Variants in MTMR14 observed in about 807,000 individuals in gnomAD.
The protein encoded by MTMR14 is myotubularin related protein 14.
MTMR14 carries 48 observed loss-of-function variants against 86.3 expected under a neutral mutation model. The ratio of observed to expected loss-of-function variants is 0.56; its 90% confidence interval spans 0.44 to 0.71. The LOEUF is 0.71. Ranked by LOEUF, MTMR14 falls within the 30% of genes least tolerant of loss-of-function variation. MTMR14 has a pLI of 0.00. For synonymous variants in MTMR14, 366 were observed against 326.1 expected, an observed-to-expected ratio of 1.12 and a Z score of -1.32; for missense variants, 780 against 834.6, an observed-to-expected ratio of 0.93 and a Z score of 0.81.
intron 4 of MTMR14, among the ~76,000 whole-genome samples, 163 bp from the exon 5 acceptor site, chr3:9,669,269 G>T (rs1284033613): frequency 6.6e-6 from 1 of 152,176 alleles, no homozygotes; most frequent in African/African-American, 2.4e-5. Flanking sequence ...TCACCTTAGA[G>T]GTGAAGACTA....
At chr3:9,695,864 G>C (rs2125384278) in intron 17 of MTMR14, among the ~76,000 whole-genome samples, 1 of 152,328 alleles carries the variant, frequency 6.6e-6, no homozygotes, top group South Asian at 2.1e-4. Flanking sequence ...CCGGCTGAAG[G>C]CCTGGTGTGA....
chr3:9,689,725 A>T lies in MTMR14; in HGVS notation c.1434-239A>T, dbSNP rs184502262. On this transcript the variant is annotated intron_variant, in intron 16 of 18. Transcript: ENST00000296003. ...GTGGGCAGTGACTGAAGAGTGAGGAATCATTTTCTAGCACATACTTCAAGA... is the reference window on the plus strand; with the variant it reads ...GTGGGCAGTGACTGAAGAGTGAGGATTCATTTTCTAGCACATACTTCAAGA... Among the ~76,000 whole-genome samples, 3 of 152,314 alleles carry T rather than the reference A, an allele frequency of 2.0e-5. No homozygotes were observed. In the East Asian group the frequency reaches 5.8e-4, roughly 29 times the overall value.
chr3:9,691,963 T>G (rs17050518), intron 17 of MTMR14, among the ~76,000 whole-genome samples: 13,316 of 152,220 alleles, frequency 0.087, 988 homozygotes, highest in African/African-American at 0.19. Context: ...TTCTTCTGAC[T>G]TGGATGCCTG....
chr3:9,671,882 TA>T (rs1279844377), intron 6 of MTMR14, among the ~76,000 whole-genome samples: 1 of 152,184 alleles, frequency 6.6e-6, no homozygotes, highest in Non-Finnish European at 1.5e-5. Context: ...TCTTAGAAAA[TA>T]AGGCATACTG....
At chr3:9,653,501 C>G (rs1458692538) in intron 1 of MTMR14, 120 bp from the exon 2 acceptor site, 4 of 1,291,378 alleles carry the variant, frequency 3.1e-6, no homozygotes, top group East Asian at 2.3e-5. Context: ...CTTCCCAGCA[C>G]AGAATAATTA....
chr3:9,696,279 C>T (rs923522163), intron 17 of MTMR14, among the ~76,000 whole-genome samples: 4 of 152,172 alleles, frequency 2.6e-5, no homozygotes, highest in African/African-American at 4.8e-5. Context: ...AGGCGGATCA[C>T]CAGAGATCAG....
chr3:9,666,264 G>T (rs556886337), intron 3 of MTMR14, among the ~76,000 whole-genome samples: 1 of 151,138 alleles, frequency 6.6e-6, no homozygotes, highest in Non-Finnish European at 1.5e-5. Flanking sequence ...CTCCCAACTA[G>T]CTGGGATTAT....
intron 3 of MTMR14, among the ~76,000 whole-genome samples, chr3:9,664,899 A>G (rs1199825174): frequency 1.3e-5 from 2 of 152,204 alleles, no homozygotes; most frequent in East Asian, 3.8e-4. Context: ...AAATAAGTGT[A>G]TAATTGGATT....
chr3:9,671,201 A>G, intron 6 of MTMR14, 31 bp downstream of exon 6: 1 of 1,614,000 alleles, frequency 6.2e-7, no homozygotes, highest in East Asian at 2.2e-5. Flanking sequence ...CAAAATGAGC[A>G]GAGGCAGTGT....
Position 9,694,330 on chromosome 3 carries a change from T to C in MTMR14, c.1614-3381T>C, listed in dbSNP as rs369992792. 4.5e-3 allele frequency among the ~76,000 whole-genome samples: 455 copies of C among 101,698 alleles called. 2 individuals carry two copies. Among genetic ancestry groups the C allele is most frequent in the African/African-American group, 0.021 (405 of 19,442 alleles). 66.7% of individuals were successfully genotyped at this position (101,698 alleles called of 152,430 possible). A position where few individuals can be genotyped will look rare whatever the true frequency, so the allele number is the denominator to read the frequency against. On this transcript the variant is annotated intron_variant, in intron 17 of 18. Transcript: ENST00000296003. The stretch of plus-strand genomic sequence containing the variant: ...GGGGGAAAAATGATTCAGGCCCCCC[T>C]CCCGTAAGTTTGGGTTAAAATGAAA...
In MTMR14 at chr3:9,686,193, T is replaced by C. The variant is rs1039810761; in HGVS notation, c.1164+946T>C. ...ACACTTATCGCGTCTGCCAGGGCTG[T>C]AGAGCTCTAAGCCTACTCCTCAGAG... is the stretch of plus-strand genomic sequence containing the variant. On this transcript the variant is annotated intron_variant, in intron 13 of 18. Coordinates refer to ENST00000296003, the MANE Select transcript of MTMR14 (RefSeq NM_001077525.3). Among the ~76,000 whole-genome samples, 9 of 152,236 alleles carry C rather than the reference T, an allele frequency of 5.9e-5. No individual in the cohort carries two copies. In the East Asian group the frequency reaches 7.7e-4, roughly 13 times the overall value.
At chr3:9,653,479 C>G in intron 1 of MTMR14, 142 bp from the exon 2 acceptor site, 2 of 1,030,240 alleles carry the variant, frequency 1.9e-6, no homozygotes, top group Non-Finnish European at 3.0e-6. Context: ...GACCTGTGGC[C>G]TAGCATCACA....
At chr3:9,653,987 C>T (rs2047457419) in intron 2 of MTMR14, 1 of 598,478 alleles carries the variant, frequency 1.7e-6, no homozygotes, top group South Asian at 1.8e-5. Context: ...TGCTGTTTCA[C>T]TTCCACCCTA....
intron 9 of MTMR14, among the ~76,000 whole-genome samples, chr3:9,681,655 G>A (rs1186620499): frequency 6.6e-6 from 1 of 152,216 alleles, no homozygotes; most frequent in East Asian, 1.9e-4. Context: ...CGTAGGATGA[G>A]AGAGTCAGGC....
intron 3 of MTMR14, among the ~76,000 whole-genome samples, chr3:9,666,933 T>C (rs1032421215): frequency 2.1e-4 from 32 of 152,150 alleles, no homozygotes; most frequent in Admixed American, 7.9e-4. Flanking sequence ...GGGTCAGCCC[T>C]CCCACAGGGG....
At chr3:9,685,797 C>T (rs986538595) in intron 13 of MTMR14, among the ~76,000 whole-genome samples, 4 of 152,180 alleles carry the variant, frequency 2.6e-5, no homozygotes, top group Non-Finnish European at 1.5e-5. Context: ...TTCTGCGCCC[C>T]CATCCTGTCG....
At chr3:9,687,761 C>T in intron 13 of MTMR14, 60 bp from the exon 14 acceptor site, 1 of 1,464,342 alleles carries the variant, frequency 6.8e-7, no homozygotes, top group East Asian at 2.5e-5. Flanking sequence ...GGCCGCCCTC[C>T]CCTGGGAGTT....
At chr3:9,699,170 CA>C (rs113659946) in intron 18 of MTMR14, among the ~76,000 whole-genome samples, 9,732 of 121,204 alleles carry the variant, frequency 0.08, 639 homozygotes, top group African/African-American at 0.18. Flanking sequence ...GAAACTCTCT[CA>C]AAAAAAAAAA....
chr3:9,679,111 C>G (rs1327465521), intron 9 of MTMR14, among the ~76,000 whole-genome samples: 2 of 152,162 alleles, frequency 1.3e-5, no homozygotes, highest in Non-Finnish European at 2.9e-5. Context: ...GCAGCAAGGT[C>G]CATCTTGTTT....
Sources: gnomAD v4.1 joint callset for allele counts (sites outside exome capture counted in the v4.1 genomes callset) on GRCh38, gnomAD v4.1.1 for gene constraint, MANE v1.5 for transcripts, NCBI Gene and HGNC (gene_info 2026-07-23, HGNC 2026-07-21) for gene names.